The following SH2D3C variants were observed in gnomAD, a reference collection of about 807,000 sequenced individuals.
The protein encoded by SH2D3C is SH2 domain containing 3C.
Under a neutral mutation model 75.2 loss-of-function variants are expected in SH2D3C, and 25 were observed. The ratio of observed to expected loss-of-function variants is 0.33; its 90% CI spans 0.24 to 0.46. The LOEUF is 0.46. Ranked by LOEUF, SH2D3C falls within the 20% of genes least tolerant of loss-of-function variation. The pLI is 1.00. For synonymous variants in SH2D3C, 450 were observed against 473.7 expected (o/e 0.95, Z 0.65); for missense variants, 933 against 1,165.3 (o/e 0.80, Z 2.90).
At chr9:127,761,778 A>T (rs557070918) in intron 2 of SH2D3C, 128 bp from the exon 3 acceptor site, 52 of 675,488 alleles carry the variant, frequency 7.7e-5, no homozygotes, top group Non-Finnish European at 2.5e-6. Context: ...TGAAGGCAGG[A>T]GGGGGCACTT....
At chr9:127,743,558 A>G (rs763637167) in intron 7 of SH2D3C, among the ~76,000 whole-genome samples, 25 of 152,244 alleles carry the variant, frequency 1.6e-4, no homozygotes, top group Non-Finnish European at 3.1e-4. Flanking sequence ...AGAGCTGGAT[A>G]CTTGTTCATT....
chr9:127,771,637 C>A (rs752058299), intron 2 of SH2D3C, among the ~76,000 whole-genome samples: 100 of 152,372 alleles, frequency 6.6e-4, no homozygotes, highest in Admixed American at 1.4e-3. Context: ...CCCACCCCGC[C>A]CCGCCCCGCT....
chr9:127,742,105 C>T (rs1042692145), intron 8 of SH2D3C, 146 bp from the exon 9 acceptor site: 121 of 722,886 alleles, frequency 1.7e-4, no homozygotes, highest in Non-Finnish European at 1.7e-5. Context: ...TAAGGGGGCG[C>T]GGCCAGAGCG....
Position 127,754,466 on chromosome 9 carries a change from G to GGGGTCC in SH2D3C, c.556-3172_556-3167dup, listed in dbSNP as rs1018042951. ...CCCAAAGGATGCTCCGCAGAGAGGCGGGGTCCGGGTCCTCCCCTCCACCCC... is the reference window on the plus strand; with the variant it reads ...CCCAAAGGATGCTCCGCAGAGAGGCGGGGTCCGGGTCCGGGTCCTCCCCTCCACCCC... On this transcript the variant is annotated intron_variant, in intron 3 of 11. Transcript: ENST00000314830. The surrounding 1 kb of genome is among the most constrained non-coding windows in gnomAD (Gnocchi z 4.4). Among the ~76,000 whole-genome samples the GGGGTCC allele has an allele frequency of 6.6e-6, 1 of 152,094 alleles. No individual in the cohort carries two copies. Among genetic ancestry groups the GGGGTCC allele is most frequent in the African/African-American group, 2.4e-5 (1 of 41,414 alleles).
chr9:127,746,692 C>G (rs1252630684), intron 6 of SH2D3C, among the ~76,000 whole-genome samples: 1 of 152,096 alleles, frequency 6.6e-6, no homozygotes, highest in Non-Finnish European at 1.5e-5. Context: ...AATCCCAGCA[C>G]TGTGGGAGGC....
At chr9:127,773,304 G>A (rs1311976099) in intron 2 of SH2D3C, among the ~76,000 whole-genome samples, 1 of 152,146 alleles carries the variant, frequency 6.6e-6, no homozygotes, top group East Asian at 1.9e-4. Flanking sequence ...CAGAACTAAT[G>A]GTGATGATTT....
intron 3 of SH2D3C, among the ~76,000 whole-genome samples, chr9:127,757,647 T>TGA (rs1310403756): frequency 2.7e-4 from 36 of 134,312 alleles, no homozygotes; most frequent in African/African-American, 9.5e-4. Context: ...ATGATGATGA[T>TGA]TATTATTATT....
In SH2D3C at chr9:127,774,294, T is replaced by A. The variant is rs948887368; in HGVS notation, c.211A>T (p.Ser71Cys). 5 of 1,614,090 alleles carry A rather than the reference T, an allele frequency of 3.1e-6. No homozygotes were observed. Among genetic ancestry groups the A allele is most frequent in the Non-Finnish European group, 4.2e-6 (5 of 1,180,018 alleles). Residue 71 changes from serine (S) to cysteine (C), a missense_variant, in exon 2 of 12, where the codon AGT (serine) becomes TGT (cysteine). Physicochemically the swap from Ser to Cys is moderately radical, Grantham distance 112. Transcript: ENST00000314830. The surrounding 1 kb of genome is among the most constrained non-coding windows in gnomAD (Gnocchi z 4.3). Reference sequence around the variant, plus strand: ...GTGCCCATGTGGCTGTACATGTCACTGGAGCGGGCATAGGCTGGGGGACTC... The same window carrying A: ...GTGCCCATGTGGCTGTACATGTCACAGGAGCGGGCATAGGCTGGGGGACTC... ...PKSPPAYARS[S>C]DMYSHMGTMP...
chr9:127,767,424 G>A (rs1265321730), intron 2 of SH2D3C: 1 of 503,902 alleles, frequency 2.0e-6, no homozygotes, highest in Non-Finnish European at 2.6e-6. Context: ...CAGATGGCCT[G>A]ATGTCTAATT....
At chr9:127,771,946 C>T (rs1358235480) in intron 2 of SH2D3C, among the ~76,000 whole-genome samples, 1 of 152,188 alleles carries the variant, frequency 6.6e-6, no homozygotes, top group East Asian at 1.9e-4. Context: ...CTCACCACAA[C>T]CCGACCAGGT....
chr9:127,771,370 C>A (rs1385663118), intron 2 of SH2D3C: 42 of 1,344,972 alleles, frequency 3.1e-5, no homozygotes, highest in Non-Finnish European at 4.0e-5. Context: ...CCCAGACACG[C>A]CCCTGCGCTC....
chr9:127,755,056 C>T (rs1564418283), intron 3 of SH2D3C: 3 of 1,150,660 alleles, frequency 2.6e-6, no homozygotes, highest in African/African-American at 1.6e-5. Context: ...GCGCGCGTGG[C>T]GGGGGCCGAG....
At chr9:127,745,456 T>G (rs980190572) in intron 6 of SH2D3C, among the ~76,000 whole-genome samples, 2 of 95,920 alleles carry the variant, frequency 2.1e-5, no homozygotes, top group Non-Finnish European at 3.9e-5. Flanking sequence ...AATGATTTCC[T>G]TTTTTTTTTT....
chr9:127,771,935 C>T (rs1845745887), intron 2 of SH2D3C, among the ~76,000 whole-genome samples: 1 of 152,192 alleles, frequency 6.6e-6, no homozygotes, highest in Non-Finnish European at 1.5e-5. Context: ...ATTCTTGAAT[C>T]CTCACCACAA....
rs746229819 is a variant in SH2D3C at position 127,774,334 on chromosome 9, C to T, written c.171G>A (p.Met57Ile). The T allele has an allele frequency of 6.2e-7, 1 of 1,614,002 alleles. No homozygotes were observed. Among genetic ancestry groups the T allele is most frequent in the Non-Finnish European group, 8.5e-7 (1 of 1,179,986 alleles). ...PDTFEATQDD[M>I]VTVPKSPPAY... ...CTGGGGGACTCTTGGGCACCGTCAC[C>T]ATGTCATCCTGCGTGGCTTCAAAGG... The change falls in exon 2 of 12, where the codon ATG (methionine) becomes ATA (isoleucine). Residue 57 changes from methionine (M) to isoleucine (I), a missense_variant. Coordinates refer to ENST00000314830, the MANE Select transcript of SH2D3C (RefSeq NM_170600.3). The surrounding 1 kb of genome is among the most constrained non-coding windows in gnomAD (Gnocchi z 4.3).
intron 7 of SH2D3C, 125 bp from the exon 8 acceptor site, chr9:127,743,089 C>A: frequency 1.7e-6 from 1 of 602,902 alleles, no homozygotes; most frequent in African/African-American, 1.9e-5. Context: ...AATTCCAGCT[C>A]CACCGCTAAC....
intron 2 of SH2D3C, chr9:127,771,332 G>C: frequency 2.1e-6 from 3 of 1,406,980 alleles, no homozygotes; most frequent in Non-Finnish European, 2.8e-6. Context: ...CGGACTCCGG[G>C]GGCGGAGACT....
chr9:127,739,061 G>T lies in SH2D3C; in HGVS notation c.2408-140C>A. ...AAGGTTTGTGAATCAACACGACCCT[G>T]TAGTTTAGCATCTTTGTCCTGTTAT... is the stretch of plus-strand genomic sequence containing the variant. On this transcript the variant is annotated intron_variant, in intron 11 of 11. Coordinates refer to ENST00000314830, the MANE Select transcript of SH2D3C (RefSeq NM_170600.3). The surrounding 1 kb of genome is among the most constrained non-coding windows in gnomAD (Gnocchi z 4.3). 1.6e-6 allele frequency: 1 copy of T among 609,374 alleles called. No homozygotes were observed. The highest frequency in any genetic ancestry group is 2.6e-6 in the Non-Finnish European group (1 of 381,948). 37.7% of individuals were successfully genotyped at this position (609,374 alleles called of 1,614,324 possible). A position where few individuals can be genotyped will look rare whatever the true frequency, so the allele number is the denominator to read the frequency against.
intron 3 of SH2D3C, among the ~76,000 whole-genome samples, chr9:127,753,400 G>A (rs965708993): frequency 2.6e-5 from 4 of 152,292 alleles, no homozygotes; most frequent in African/African-American, 9.6e-5. Flanking sequence ...GAGCAGCTTG[G>A]TGGTGGACCC....
Sources: allele counts gnomAD v4.1 joint callset (sites outside exome capture counted in the v4.1 genomes callset), GRCh38; gene constraint gnomAD v4.1.1; non-coding constraint Gnocchi (gnomAD v3.1); transcripts MANE v1.5; gene names NCBI Gene and HGNC (gene_info 2026-07-23, HGNC 2026-07-21).